HMCN2: variants seen among roughly 807,000 people sequenced by gnomAD.
HMCN2 encodes the protein hemicentin 2.
Under a neutral mutation model 377.5 loss-of-function variants are expected in HMCN2, and 325 were observed. The ratio of observed to expected loss-of-function variants is 0.86; its 90% CI spans 0.79 to 0.94. HMCN2 has a LOEUF of 0.94. Among genes scored for constraint, HMCN2 ranks in the 40% least tolerant of loss-of-function variants. The pLI is 0.00. For synonymous variants in HMCN2, 2,007 were observed against 2,046.8 expected, an observed-to-expected ratio of 0.98 and a Z score of 0.53; for missense variants, 4,543 against 4,725.3, an observed-to-expected ratio of 0.96 and a Z score of 1.13.
chr9:130,299,997 A>T (rs782619782), intron 8 of HMCN2, among the ~76,000 whole-genome samples: 2 of 150,960 alleles, frequency 1.3e-5, no homozygotes, highest in Non-Finnish European at 2.9e-5. Flanking sequence ...CTACCCATTC[A>T]TGCATCCATC....
At chr9:130,287,346 G>C (rs10988678) in intron 4 of HMCN2, among the ~76,000 whole-genome samples, 21,687 of 151,880 alleles carry the variant, frequency 0.14, 1,952 homozygotes, top group South Asian at 0.2. Context: ...GCCTTTGCTG[G>C]TGCGGCCCAT....
Position 130,347,859 on chromosome 9 carries a change from C to T in HMCN2, c.4024+499C>T, listed in dbSNP as rs1839469117. 3.4e-6 allele frequency: 1 copy of T among 291,006 alleles called. No homozygotes were observed. The highest frequency in any genetic ancestry group is 2.3e-5 in the African/African-American group (1 of 43,872). 18.0% of individuals were successfully genotyped at this position (291,006 alleles called of 1,614,324 possible). ...AGACCCTGTCTCTACATAAAATAAA[C>T]TTAAAAAATTATTTTTAAAAATGAG... On this transcript the variant is annotated intron_variant, in intron 26 of 97. Transcript: ENST00000683500. This position sits in a 1 kb window ranked among gnomAD's most constrained non-coding sequence, Gnocchi z 5.1.
Position 130,394,316 on chromosome 9 carries a change from T to G in HMCN2, c.10502-69T>G. On this transcript the variant is annotated intron_variant, in intron 68 of 97. Coordinates refer to ENST00000683500, the MANE Select transcript of HMCN2 (RefSeq NM_001291815.2). The surrounding 1 kb of genome is among the most constrained non-coding windows in gnomAD (Gnocchi z 5.1). ...AGCAGAGCCCCTGGACTCAGCACAG[T>G]GTTTTCAAGTGCGGTGCTGTCCCGG... The G allele has an allele frequency of 9.8e-7, 1 of 1,017,194 alleles. No individual in the cohort carries two copies. Among genetic ancestry groups the G allele is most frequent in the South Asian group, 1.4e-5 (1 of 70,810 alleles). The allele number at this position is 1,017,194 out of a possible 1,614,324, so 63.0% of individuals were successfully genotyped here.
chr9:130,365,596 G>A (rs1257689236), intron 41 of HMCN2, 35 bp from the exon 42 acceptor site: 27 of 950,712 alleles, frequency 2.8e-5, no homozygotes, highest in Middle Eastern at 5.3e-4. Context: ...ATCTCTGTGC[G>A]TCCCCTCCCA....
chr9:130,328,734 A>G (rs1588249650), intron 22 of HMCN2, among the ~76,000 whole-genome samples: 1 of 152,032 alleles, frequency 6.6e-6, no homozygotes, highest in Admixed American at 6.6e-5. Flanking sequence ...TAGTCATGCA[A>G]CCTCGGGTGG....
At chr9:130,343,262 G>A (rs1839160831) in intron 25 of HMCN2, among the ~76,000 whole-genome samples, 1 of 152,210 alleles carries the variant, frequency 6.6e-6, no homozygotes, top group Admixed American at 6.5e-5. Flanking sequence ...TCCCCTCTGT[G>A]GGGCTGAGGT....
Position 130,422,569 on chromosome 9 carries a change from C to A in HMCN2, c.13232-8C>A. The A allele has an allele frequency of 1.5e-6, 2 of 1,316,700 alleles. No homozygotes were observed. The highest frequency in any genetic ancestry group is 4.6e-5 in the South Asian group (2 of 43,694). The allele number at this position is 1,316,700 out of a possible 1,614,324, so 81.6% of individuals were successfully genotyped here. A position where few individuals can be genotyped will look rare whatever the true frequency, so the allele number is the denominator to read the frequency against. On this transcript the variant is annotated splice_polypyrimidine_tract_variant and splice_region_variant and intron_variant, in intron 86 of 97. Coordinates refer to ENST00000683500, the MANE Select transcript of HMCN2 (RefSeq NM_001291815.2). The surrounding 1 kb of genome is among the most constrained non-coding windows in gnomAD (Gnocchi z 4.2). ...CAGTGGCACTGTCATTCTTTCCCTTCCTTACAGGGGAGCCCCAGGGGAGCT... is the reference window on the plus strand; with the variant it reads ...CAGTGGCACTGTCATTCTTTCCCTTACTTACAGGGGAGCCCCAGGGGAGCT...
chr9:130,356,492 C>A (rs1840034098), intron 34 of HMCN2, among the ~76,000 whole-genome samples: 1 of 152,224 alleles, frequency 6.6e-6, no homozygotes, highest in Non-Finnish European at 1.5e-5. Context: ...TCCCCAGCTT[C>A]CTCTCTGTCC....
At chr9:130,353,420 G>T (rs1839840107) in intron 31 of HMCN2, among the ~76,000 whole-genome samples, 1 of 152,332 alleles carries the variant, frequency 6.6e-6, no homozygotes, top group Non-Finnish European at 1.5e-5. Context: ...GAGTGGAAGG[G>T]CCTGTCTAGG....
chr9:130,276,151 C>T lies in HMCN2; in HGVS notation c.260-8452C>T, dbSNP rs899232453. Among the ~76,000 whole-genome samples, 8 of 152,080 alleles carry T rather than the reference C, an allele frequency of 5.3e-5. No individual in the cohort carries two copies. The East Asian group carries it at 1.4e-3, about 26-fold the overall frequency. Reference sequence around the variant, plus strand: ...GGTGGGTGTGTCAGGTCAGCCTGTACAGCCTGACCTGGTCTGGTTCCTGGG... The same window carrying T: ...GGTGGGTGTGTCAGGTCAGCCTGTATAGCCTGACCTGGTCTGGTTCCTGGG... On this transcript the variant is annotated intron_variant, in intron 1 of 97. Transcript: ENST00000683500.
Position 130,429,377 on chromosome 9 carries a change from T to C in HMCN2, c.14198-180T>C, listed in dbSNP as rs1306734549. 9 of 705,440 alleles carry C rather than the reference T, an allele frequency of 1.3e-5. No homozygotes were observed. In the East Asian group the frequency reaches 1.4e-4, roughly 11 times the overall value. The allele number at this position is 705,440 out of a possible 1,614,324, so 43.7% of individuals were successfully genotyped here. ...CCTTTCTCTGGGACCTGGAACCCTG[T>C]TGACCTCCAACCTGGTATAACTGGG... On this transcript the variant is annotated intron_variant, in intron 93 of 97. Coordinates refer to ENST00000683500, the MANE Select transcript of HMCN2 (RefSeq NM_001291815.2).
intron 1 of HMCN2, among the ~76,000 whole-genome samples, chr9:130,277,841 TCATCACCACCAC>T (rs1834816618): frequency 3.6e-5 from 1 of 27,592 alleles, no homozygotes; most frequent in Non-Finnish European, 7.2e-5. Flanking sequence ...ACCATCATCA[TCATCACCACCAC>T]CACCACCATC....
At chr9:130,424,413 C>T (rs1475618560) in intron 87 of HMCN2, among the ~76,000 whole-genome samples, 4 of 151,214 alleles carry the variant, frequency 2.6e-5, no homozygotes, top group African/African-American at 9.7e-5. Context: ...GTCTCGATCT[C>T]CTGACCTCGT....
rs894001594 is a variant in HMCN2, at chr9:130,363,024, G to A, written c.6232+34G>A. On this transcript the variant is annotated intron_variant, in intron 40 of 97. Coordinates refer to ENST00000683500, the MANE Select transcript of HMCN2 (RefSeq NM_001291815.2). ...CAGACTGGGAAAGCCATGTGGTTCA[G>A]AGCAGCGGGGGAGATGGGGTGGGGG... 3.0e-6 allele frequency: 3 copies of A among 985,954 alleles called. No individual in the cohort carries two copies. The African/African-American group carries it at 5.2e-5, about 17-fold the overall frequency. The allele number at this position is 985,954 out of a possible 1,614,324, so 61.1% of individuals were successfully genotyped here.
chr9:130,374,354 G>A (rs1841260672), intron 48 of HMCN2, 148 bp from the exon 49 acceptor site: 1 of 225,628 alleles, frequency 4.4e-6, no homozygotes, highest in Non-Finnish European at 7.4e-6. Context: ...AAGGGGCACA[G>A]GCTGCTGCTG....
rs1564806115 is a variant in HMCN2, at chr9:130,351,731, G to A, written c.4585+154G>A. 2.0e-5 allele frequency among the ~76,000 whole-genome samples: 3 copies of A among 152,240 alleles called. No homozygotes were observed. The highest frequency in any genetic ancestry group is 3.4e-3 in the Middle Eastern group (1 of 294). On this transcript the variant is annotated intron_variant, in intron 30 of 97. Transcript: ENST00000683500. The surrounding 1 kb of genome is among the most constrained non-coding windows in gnomAD (Gnocchi z 5.4). ...AAAGCTGGGGGCTGGGGTCGGGGTT[G>A]GGGTCAGGGTCAGGGGATAGAGGTT...
In HMCN2 at chr9:130,351,725, G is replaced by A. The variant is rs1210135678; in HGVS notation, c.4585+148G>A. 6.9e-6 allele frequency: 4 copies of A among 582,186 alleles called. No homozygotes were observed. Among genetic ancestry groups the A allele is most frequent in the South Asian group, 4.3e-5 (2 of 46,710 alleles). The allele number at this position is 582,186 out of a possible 1,614,324, so 36.1% of individuals were successfully genotyped here. A position where few individuals can be genotyped will look rare whatever the true frequency, so the allele number is the denominator to read the frequency against. ...TCCAAGAAAGCTGGGGGCTGGGGTC[G>A]GGGTTGGGGTCAGGGTCAGGGGATA... On this transcript the variant is annotated intron_variant, in intron 30 of 97. Transcript: ENST00000683500. This position sits in a 1 kb window ranked among gnomAD's most constrained non-coding sequence, Gnocchi z 5.4.
intron 85 of HMCN2, among the ~76,000 whole-genome samples, chr9:130,418,140 A>G (rs1843790934): frequency 2.0e-5 from 3 of 152,202 alleles, no homozygotes; most frequent in Admixed American, 2.0e-4. Flanking sequence ...GAAGCAGTCT[A>G]ACTGTCCTAT....
chr9:130,335,440 G>A (rs1264806046), intron 22 of HMCN2, among the ~76,000 whole-genome samples: 3 of 152,186 alleles, frequency 2.0e-5, no homozygotes, highest in African/African-American at 7.2e-5. Context: ...ACATATTTCT[G>A]TGGTGTCTTC....
Sources: allele counts gnomAD v4.1 joint callset (sites outside exome capture counted in the v4.1 genomes callset), GRCh38; gene constraint gnomAD v4.1.1; non-coding constraint Gnocchi (gnomAD v3.1); transcripts MANE v1.5; gene names NCBI Gene and HGNC (gene_info 2026-07-23, HGNC 2026-07-21).